The following DOCK9 variants were observed in gnomAD, a reference collection of about 807,000 sequenced individuals.
DOCK9 encodes dedicator of cytokinesis 9, also known as dedicator of cytokinesis protein 9.
Under a neutral mutation model 263.3 loss-of-function variants are expected in DOCK9, and 89 were observed. The observed-to-expected ratio is 0.34, with a 90% CI of 0.28 to 0.40. The LOEUF is 0.40. DOCK9 is among the 10% of genes least tolerant of loss of function. The probability of loss-of-function intolerance (pLI) is 1.00; values close to 1 mark genes in which losing one functional copy is unlikely to be tolerated. For synonymous variants in DOCK9, 976 were observed against 973.1 expected (o/e 1.00, Z -0.06); for missense variants, 2,140 against 2,603.4 (o/e 0.82, Z 3.87).
At chr13:98,875,766 G>A in intron 27 of DOCK9, among the ~76,000 whole-genome samples, 1 of 152,130 alleles carries the variant, frequency 6.6e-6, no homozygotes, top group East Asian at 1.9e-4. Context: ...ACTAGAGTCT[G>A]GCACAGTCAT....
chr13:98,926,460 T>C (rs1595381809), intron 3 of DOCK9, among the ~76,000 whole-genome samples: 1 of 152,306 alleles, frequency 6.6e-6, no homozygotes, highest in East Asian at 1.9e-4. Flanking sequence ...CACCATGACA[T>C]TTTCATCTGT....
In DOCK9 at chr13:98,805,086, G is replaced by C; in HGVS notation, c.5638C>G (p.Arg1880Gly). The part of the protein sequence containing the change: ...TEFERSHNIR[R>G]FMFEMPFTQT... Reference sequence around the variant, plus strand: ...GTAAATGGCATCTCAAACATGAAGCGGCGGATGTTGTGGGATCTCTCAAAC... The same window carrying C: ...GTAAATGGCATCTCAAACATGAAGCCGCGGATGTTGTGGGATCTCTCAAAC... The change falls in exon 49 of 53, where the codon CGC (arginine) becomes GGC (glycine). Residue 1880 changes from arginine (R) to glycine (G), a missense_variant. Coordinates refer to ENST00000682017, the MANE Select transcript of DOCK9 (RefSeq NM_001366683.2). The C allele has an allele frequency of 6.2e-7, 1 of 1,611,894 alleles. No homozygotes were observed.
At chr13:98,851,162 G>A (rs1175626559) in intron 35 of DOCK9, among the ~76,000 whole-genome samples, 1 of 152,144 alleles carries the variant, frequency 6.6e-6, no homozygotes, top group African/African-American at 2.4e-5. Flanking sequence ...CATAATCTGG[G>A]GCAGAAGAAA....
intron 1 of DOCK9, among the ~76,000 whole-genome samples, chr13:99,085,793 A>G: frequency 8.1e-6 from 1 of 122,860 alleles, no homozygotes; most frequent in Non-Finnish European, 1.6e-5. Context: ...GGAAGCCCCC[A>G]CCTCAATTCC....
intron 1 of DOCK9, among the ~76,000 whole-genome samples, chr13:99,049,356 G>A (rs1407347821): frequency 1.3e-5 from 2 of 152,162 alleles, no homozygotes; most frequent in Non-Finnish European, 2.9e-5. Context: ...TTGTCATCGG[G>A]AGGCATGGTG....
chr13:99,029,480 T>C (rs1037178508), intron 1 of DOCK9, among the ~76,000 whole-genome samples: 4 of 152,246 alleles, frequency 2.6e-5, no homozygotes, highest in Admixed American at 6.5e-5. Context: ...TTTGTTTCTA[T>C]GCTGGACCCT....
At chr13:98,899,876 C>T (rs113010065) in intron 13 of DOCK9, among the ~76,000 whole-genome samples, 2 of 152,140 alleles carry the variant, frequency 1.3e-5, no homozygotes, top group African/African-American at 4.8e-5. Flanking sequence ...GGCTTTTTTC[C>T]CCTTCTTTTT....
At chr13:99,041,477 T>C (rs766514970) in intron 1 of DOCK9, among the ~76,000 whole-genome samples, 1 of 114,408 alleles carries the variant, frequency 8.7e-6, no homozygotes, top group Non-Finnish European at 1.9e-5. Context: ...AGTAAGACTG[T>C]CTCAAAAAAA....
At chr13:98,944,945 T>G (rs78378123) in intron 2 of DOCK9, among the ~76,000 whole-genome samples, 1 of 152,342 alleles carries the variant, frequency 6.6e-6, no homozygotes, top group East Asian at 1.9e-4. Context: ...TTCCTTCAGT[T>G]TAGGAAAATA....
chr13:98,908,242 C>A (rs1230683254), intron 9 of DOCK9, among the ~76,000 whole-genome samples: 2 of 151,968 alleles, frequency 1.3e-5, no homozygotes, highest in South Asian at 2.1e-4. Flanking sequence ...AGTAAAATAC[C>A]ATTTTACACT....
intron 27 of DOCK9, among the ~76,000 whole-genome samples, chr13:98,870,339 A>G (rs544178833): frequency 1.3e-5 from 2 of 152,368 alleles, no homozygotes; most frequent in Admixed American, 1.3e-4. Flanking sequence ...AACTTTAAAA[A>G]ACAGAATGGC....
At chr13:98,846,677 C>T in intron 37 of DOCK9, 1 of 618,928 alleles carries the variant, frequency 1.6e-6, no homozygotes, top group Non-Finnish European at 2.7e-6. Flanking sequence ...GCAATGACAC[C>T]TGTCCCCTGT....
At chr13:98,883,361 C>T (rs149686433) in intron 22 of DOCK9, among the ~76,000 whole-genome samples, 324 of 152,238 alleles carry the variant, frequency 2.1e-3, no homozygotes, top group Middle Eastern at 3.4e-3. Context: ...AATCCCCCTA[C>T]CCTAGCCTCC....
intron 7 of DOCK9, 145 bp downstream of exon 7, chr13:98,920,809 C>A: frequency 1.2e-6 from 1 of 812,290 alleles, no homozygotes; most frequent in South Asian, 2.3e-5. Flanking sequence ...TGATGAAAAA[C>A]AAGGCTTGCC....
In DOCK9 at chr13:98,888,152, A is replaced by AC. The variant is rs772813524; in HGVS notation, c.2043+5dup. 4.6e-5 allele frequency: 72 copies of AC among 1,579,738 alleles called. No individual in the cohort carries two copies. In the African/African-American group the frequency reaches 7.4e-4, roughly 16 times the overall value. On this transcript the variant is annotated splice_donor_region_variant and intron_variant, in intron 18 of 52. Transcript: ENST00000682017. Reference sequence around the variant, plus strand: ...GTAGGTGAACATATATTAAAAAAAAACAAACCTTAAGGGGCTGAGAGTCTT... The same window carrying AC: ...GTAGGTGAACATATATTAAAAAAAAACCAAACCTTAAGGGGCTGAGAGTCTT...
intron 22 of DOCK9, among the ~76,000 whole-genome samples, chr13:98,883,489 T>TCCCACCTTG (rs1217162212): frequency 6.6e-6 from 1 of 152,182 alleles, no homozygotes; most frequent in Non-Finnish European, 1.5e-5. Flanking sequence ...TAAAGTGATC[T>TCCCACCTTG]GCCCACCTTG....
intron 1 of DOCK9, among the ~76,000 whole-genome samples, chr13:99,036,924 G>A (rs7992965): frequency 0.5 from 75,282 of 151,986 alleles, 18,919 homozygotes; most frequent in East Asian, 0.65. Flanking sequence ...TGTCCATTCA[G>A]CAAATATTTG....
intron 1 of DOCK9, among the ~76,000 whole-genome samples, chr13:99,057,843 T>A (rs2040995666): frequency 6.6e-6 from 1 of 152,224 alleles, no homozygotes; most frequent in African/African-American, 2.4e-5. Flanking sequence ...TAACTGAGTT[T>A]GAACATACTG....
At position 99,056,060 on chromosome 13, in the gene DOCK9, C is replaced by T. The variant is rs545711572; in HGVS notation, c.129+30163G>A. On this transcript the variant is annotated intron_variant, in intron 1 of 32. Coordinates refer to the DOCK9 transcript ENST00000427887. ...CCTGGTCTGGTTACTGTATTCTATACCAAAGCCTTTGAAGATGACAAATTT... is the reference window on the plus strand; with the variant it reads ...CCTGGTCTGGTTACTGTATTCTATATCAAAGCCTTTGAAGATGACAAATTT... Among the ~76,000 whole-genome samples the T allele has an allele frequency of 1.5e-3, 221 of 152,240 alleles. 1 individual carries two copies. Among genetic ancestry groups the T allele is most frequent in the South Asian group, 2.7e-3 (13 of 4,820 alleles).
Sources: allele counts gnomAD v4.1 joint callset (sites outside exome capture counted in the v4.1 genomes callset), GRCh38; gene constraint gnomAD v4.1.1; transcripts MANE v1.5; gene names NCBI Gene and HGNC (gene_info 2026-07-23, HGNC 2026-07-21).